The following CDCA2 variants were observed in gnomAD, a reference collection of about 807,000 sequenced individuals.
The protein encoded by CDCA2 is cell division cycle associated 2.
CDCA2 carries 44 observed loss-of-function variants against 67.0 expected under a neutral mutation model. The observed-to-expected ratio is 0.66, with a 90% confidence interval of 0.52 to 0.84. The LOEUF is 0.84. Among genes scored for constraint, CDCA2 ranks in the 40% least tolerant of loss-of-function variants. The pLI, the probability that CDCA2 is intolerant of heterozygous loss-of-function variation, is 0.00. For synonymous variants in CDCA2, 447 were observed against 418.7 expected, an observed-to-expected ratio of 1.07 and a Z score of -0.82; for missense variants, 1,253 against 1,203.2, an observed-to-expected ratio of 1.04 and a Z score of -0.61.
rs760474814 is a variant in CDCA2, at chr8:25,488,565, T to G, written c.1547T>G (p.Val516Gly). Residue 516 changes from valine (V) to glycine (G), a missense_variant, in exon 13 of 15, where the codon GTT becomes GGT. Val to Gly is a moderately radical substitution (Grantham distance 109). Transcript: ENST00000330560. ...TSNRRNQLVSVVEESVCNLLN... is the reference protein window; with the variant it reads ...TSNRRNQLVSGVEESVCNLLN... ...CTTTCTTTATAGCAATTGGTCAGTG[T>G]TGTAGAAGAGAGTGTTTGCAACTTA... 6.2e-7 allele frequency: 1 copy of G among 1,609,590 alleles called. No homozygotes were observed. Among genetic ancestry groups the G allele is most frequent in the Non-Finnish European group, 8.5e-7 (1 of 1,178,604 alleles).
intron 13 of CDCA2, among the ~76,000 whole-genome samples, chr8:25,492,026 G>A (rs992929738): frequency 2.2e-4 from 34 of 152,094 alleles, no homozygotes; most frequent in African/African-American, 8.0e-4. Flanking sequence ...TCAAACTCCT[G>A]ACCTCATGAT....
intron 13 of CDCA2, among the ~76,000 whole-genome samples, chr8:25,496,558 G>T (rs549959558): frequency 6.6e-6 from 1 of 152,218 alleles, no homozygotes; most frequent in East Asian, 1.9e-4. Flanking sequence ...CTGATAAGGG[G>T]TTAATAGCCA....
intron 4 of CDCA2, among the ~76,000 whole-genome samples, chr8:25,464,037 C>T (rs1188861780): frequency 1.3e-5 from 2 of 152,200 alleles, no homozygotes; most frequent in Admixed American, 6.5e-5. Flanking sequence ...TTTAGGGACT[C>T]AGCCACATTC....
rs780317901 is a variant in CDCA2, at chr8:25,468,237, G to T, written c.559G>T (p.Ala187Ser). ...TDLTRKEGLS[A>S]CQQSGFPAVL... ...TATAGCCAGAAAGGAAGGTCTCAGC[G>T]CTTGCCAGCAGTCTGGGTTCCCTGC... The change falls in exon 6 of 15, where the codon GCT (alanine) becomes TCT (serine). Residue 187 changes from alanine (A) to serine (S), a missense_variant. By Grantham distance (99) the Ala-to-Ser change is moderately conservative. Coordinates refer to ENST00000330560, the MANE Select transcript of CDCA2 (RefSeq NM_152562.4). 3.7e-6 allele frequency: 6 copies of T among 1,606,916 alleles called. No individual in the cohort carries two copies. Among genetic ancestry groups the T allele is most frequent in the Non-Finnish European group, 5.1e-6 (6 of 1,175,848 alleles).
intron 13 of CDCA2, among the ~76,000 whole-genome samples, chr8:25,497,272 A>G (rs924722807): frequency 1.3e-5 from 2 of 152,178 alleles, no homozygotes; most frequent in African/African-American, 4.8e-5. Flanking sequence ...GGAAATCAGT[A>G]TATCAAAGAG....
At chr8:25,491,158 A>G (rs575974832) in intron 13 of CDCA2, among the ~76,000 whole-genome samples, 30 of 152,312 alleles carry the variant, frequency 2.0e-4, no homozygotes, top group African/African-American at 6.7e-4. Context: ...GTCTCCCAGA[A>G]GATAGAGCAA....
At chr8:25,498,256 G>A (rs1225536971) in intron 13 of CDCA2, among the ~76,000 whole-genome samples, 1 of 152,106 alleles carries the variant, frequency 6.6e-6, no homozygotes, top group Non-Finnish European at 1.5e-5. Flanking sequence ...CGCCCAGGCT[G>A]GAGTTCAGTG....
In CDCA2 at chr8:25,507,436, A is replaced by G. The variant is rs757336602; in HGVS notation, c.2770A>G (p.Ile924Val). 9.9e-6 allele frequency: 16 copies of G among 1,614,146 alleles called. No individual in the cohort carries two copies. The highest frequency in any genetic ancestry group is 1.4e-5 in the Non-Finnish European group (16 of 1,180,024). Residue 924 changes from isoleucine to valine, a missense_variant, in exon 15 of 15, where the codon ATA becomes GTA. Transcript: ENST00000330560. ...STSQKAKRRT[I>V]CTFDSSGFES... ...TTCCCAAAAAGCCAAAAGAAGAACA[A>G]TATGTACATTTGACAGCAGTGGATT...
chr8:25,498,453 A>ACCCCCCCACCCCCCCCCCCCCCC (rs1804328687), intron 13 of CDCA2, among the ~76,000 whole-genome samples: 1 of 76,614 alleles, frequency 1.3e-5, no homozygotes, highest in Non-Finnish European at 2.6e-5. Context: ...GGTAATCTGC[A>ACCCCCCCACCCCCCCCCCCCCCC]CCCCCCCCCC....
At chr8:25,479,688 C>T (rs1803490418) in intron 7 of CDCA2, 2 of 541,874 alleles carry the variant, frequency 3.7e-6, no homozygotes, top group South Asian at 4.1e-5. Context: ...CCCATACCCA[C>T]TTTACCCTTC....
Position 25,487,276 on chromosome 8 carries a change from A to G in CDCA2, c.1475A>G (p.His492Arg), listed in dbSNP as rs1035019882. The G allele has an allele frequency of 6.2e-6, 10 of 1,611,722 alleles. No individual in the cohort carries two copies. Among genetic ancestry groups the G allele is most frequent in the African/African-American group, 4.0e-5 (3 of 74,862 alleles). Residue 492 changes from histidine to arginine, a missense_variant, in exon 12 of 15, where the codon CAT (histidine) becomes CGT (arginine). His to Arg is a conservative substitution (Grantham distance 29, BLOSUM62 0). Transcript: ENST00000330560. ...GATACCTTTAGTTCTTCAAATAACC[A>G]TGAGAAAATATCCTCTCCTAAAGTT... ...GTDTFSSSNN[H>R]EKISSPKVGR...
chr8:25,500,251 C>CTT lies in CDCA2; in HGVS notation c.1672-3106_1672-3105dup, dbSNP rs775778769. Among the ~76,000 whole-genome samples the CTT allele has an allele frequency of 6.4e-4, 85 of 133,058 alleles. 1 individual carries two copies. Among genetic ancestry groups the CTT allele is most frequent in the East Asian group, 1.6e-3 (7 of 4,506 alleles). 87.3% of individuals were successfully genotyped at this position (133,058 alleles called of 152,430 possible). The stretch of plus-strand genomic sequence containing the variant: ...TTCCAAAATCATGTGAAGAGGGGAT[C>CTT]TTTTTTTTTTTTTTTTTCCCCATAT... On this transcript the variant is annotated intron_variant, in intron 13 of 14. Transcript: ENST00000330560.
At chr8:25,478,927 G>C (rs1300629376) in intron 7 of CDCA2, among the ~76,000 whole-genome samples, 1 of 140,672 alleles carries the variant, frequency 7.1e-6, no homozygotes, top group East Asian at 2.0e-4. Context: ...CTTTTTACTT[G>C]AAATAACTAT....
chr8:25,479,076 A>G (rs1424050406), intron 7 of CDCA2, among the ~76,000 whole-genome samples: 1 of 152,064 alleles, frequency 6.6e-6, no homozygotes, highest in Non-Finnish European at 1.5e-5. Flanking sequence ...ACAATCCACC[A>G]ACTTGTTTTC....
At chr8:25,480,266 T>C (rs1803517927) in intron 8 of CDCA2, 142 bp downstream of exon 8, 7 of 699,764 alleles carry the variant, frequency 1.0e-5, no homozygotes, top group Non-Finnish European at 1.4e-5. Context: ...TCCTCATCTT[T>C]TCTTATTAAC....
rs753059787 is a variant in CDCA2, at chr8:25,466,214, G to C, written c.427G>C (p.Glu143Gln). Residue 143 changes from glutamate to glutamine, a missense_variant, in exon 5 of 15, where the codon GAA becomes CAA. Coordinates refer to ENST00000330560, the MANE Select transcript of CDCA2 (RefSeq NM_152562.4). ...GTATCGAAATGTTAACACTTTAAGA[G>C]AACGAATATCAGCCTTCCAGTCAGC... Reference protein sequence around the residue: ...ALYRNVNTLRERISAFQSAFH... With the variant: ...ALYRNVNTLRQRISAFQSAFH... 6.2e-7 allele frequency: 1 copy of C among 1,611,542 alleles called. No individual in the cohort carries two copies. Among genetic ancestry groups the C allele is most frequent in the South Asian group, 1.1e-5 (1 of 90,470 alleles).
chr8:25,462,066 C>T lies in CDCA2; in HGVS notation c.245C>T (p.Ser82Phe). 1 of 1,613,780 alleles carries T rather than the reference C, an allele frequency of 6.2e-7. No homozygotes were observed. Among genetic ancestry groups the T allele is most frequent in the Non-Finnish European group, 8.5e-7 (1 of 1,179,682 alleles). ...AGTTTCATTACAGGAAAGTCATCATCCTACCTTAAAAAATGTAGACGACGT... is the reference window on the plus strand; with the variant it reads ...AGTTTCATTACAGGAAAGTCATCATTCTACCTTAAAAAATGTAGACGACGT... ...FVRNSAGKSS[S>F]YLKKCRRRSA... The change falls in exon 4 of 15, where the codon TCC (serine) becomes TTC (phenylalanine). Residue 82 changes from serine to phenylalanine, a missense_variant. Coordinates refer to ENST00000330560, the MANE Select transcript of CDCA2 (RefSeq NM_152562.4).
intron 13 of CDCA2, among the ~76,000 whole-genome samples, chr8:25,491,457 A>G (rs1263844322): frequency 6.6e-6 from 1 of 152,196 alleles, no homozygotes; most frequent in African/African-American, 2.4e-5. Flanking sequence ...ACAGAGAAAT[A>G]AGAACCAGAG....
At chr8:25,492,768 C>T (rs1375600263) in intron 13 of CDCA2, among the ~76,000 whole-genome samples, 4 of 152,144 alleles carry the variant, frequency 2.6e-5, no homozygotes, top group African/African-American at 9.7e-5. Context: ...CTTTTAACAA[C>T]TTGGTTGTTG....
Sources: allele counts gnomAD v4.1 joint callset (sites outside exome capture counted in the v4.1 genomes callset), GRCh38; gene constraint gnomAD v4.1.1; transcripts MANE v1.5; gene names NCBI Gene and HGNC (gene_info 2026-07-23, HGNC 2026-07-21).